Variants in POU2F1 observed in about 807,000 individuals in gnomAD.
POU2F1 encodes the protein POU class 2 homeobox 1, also known as POU domain, class 2, transcription factor 1.
POU2F1 carries 16 observed loss-of-function variants against 84.9 expected under a neutral mutation model. The observed-to-expected ratio is 0.19, with a 90% CI of 0.13 to 0.29. The LOEUF (loss-of-function observed/expected upper bound fraction) is 0.29, where lower values mean the gene tolerates loss of function less well. Among genes scored for constraint, POU2F1 ranks in the 10% least tolerant of loss-of-function variants. POU2F1 has a pLI of 1.00. For synonymous variants in POU2F1, 368 were observed against 368.3 expected (o/e 1.00, Z 0.01); for missense variants, 738 against 942.6 (o/e 0.78, Z 2.84).
intron 7 of POU2F1, among the ~76,000 whole-genome samples, chr1:167,376,770 T>G (rs1660358013): frequency 6.6e-6 from 1 of 152,206 alleles, no homozygotes; most frequent in Non-Finnish European, 1.5e-5. Context: ...TCTGAGTGGG[T>G]TTTTTTGCCT....
At chr1:167,322,307 A>C (rs1656368572) in intron 1 of POU2F1, among the ~76,000 whole-genome samples, 1 of 152,204 alleles carries the variant, frequency 6.6e-6, no homozygotes, top group African/African-American at 2.4e-5. Context: ...TCTGCTTTCC[A>C]GGGAACAGAA....
intron 13 of POU2F1, among the ~76,000 whole-genome samples, chr1:167,406,218 A>G (rs1387923343): frequency 6.6e-6 from 1 of 152,260 alleles, no homozygotes; most frequent in Non-Finnish European, 1.5e-5. Context: ...ATGTATGGTT[A>G]GTACAATAAC....
At chr1:167,399,407 T>G (rs916816756) in intron 12 of POU2F1, 42 bp downstream of exon 12, 3 of 1,535,776 alleles carry the variant, frequency 2.0e-6, no homozygotes, top group Non-Finnish European at 1.8e-6. Flanking sequence ...AGGGCTAATT[T>G]TTGCAATTTT....
At chr1:167,330,581 A>G (rs952073155) in intron 1 of POU2F1, among the ~76,000 whole-genome samples, 13 of 152,202 alleles carry the variant, frequency 8.5e-5, no homozygotes, top group African/African-American at 3.1e-4. Flanking sequence ...AGTATTATTT[A>G]AACAGTCTTC....
intron 1 of POU2F1, among the ~76,000 whole-genome samples, chr1:167,291,505 CTAATT>C (rs1323329954): frequency 6.6e-6 from 1 of 152,042 alleles, no homozygotes; most frequent in African/African-American, 2.4e-5. Context: ...GGCCTGTAAC[CTAATT>C]TTTCACTTAG....
Position 167,383,951 on chromosome 1 carries a change from G to C in POU2F1, c.813G>C (p.Gln271His). 6.2e-7 allele frequency: 1 copy of C among 1,610,522 alleles called. No individual in the cohort carries two copies. Among genetic ancestry groups the C allele is most frequent in the Non-Finnish European group, 8.5e-7 (1 of 1,177,718 alleles). Residue 271 changes from glutamine to histidine, a missense_variant and splice_region_variant, in exon 8 of 16, where the codon CAG becomes CAC. Gln to His is a conservative substitution (Grantham distance 24). Around this residue, in one of 4 missense-constraint regions of POU2F1, gnomAD observed 163 missense variants for 214.4 expected, o/e 0.76. Transcript: ENST00000367866. The part of the protein sequence containing the change: ...QSQPSITLTS[Q>H]PATPTRTIAA... Reference sequence around the variant, plus strand: ...AGCCAAGCATCACCCTCACCTCCCAGGTCAGTTTTCTTCTATGGGGGCTGC... The same window carrying C: ...AGCCAAGCATCACCCTCACCTCCCACGTCAGTTTTCTTCTATGGGGGCTGC...
intron 13 of POU2F1, among the ~76,000 whole-genome samples, chr1:167,407,219 G>A (rs890152866): frequency 1.3e-5 from 2 of 151,782 alleles, no homozygotes; most frequent in South Asian, 2.1e-4. Flanking sequence ...TTGTAGAGAC[G>A]AGGTTTTGCC....
Position 167,374,305 on chromosome 1 carries a change from G to A in POU2F1, c.591+9G>A. The A allele has an allele frequency of 6.4e-7, 1 of 1,557,308 alleles. No individual in the cohort carries two copies. The highest frequency in any genetic ancestry group is 8.7e-7 in the Non-Finnish European group (1 of 1,152,494). ...CCATACAGATCGCACAGGTGAGTGA[G>A]GAACTCCAATAGCTGGGGCAGCAAG... On this transcript the variant is annotated intron_variant, in intron 6 of 15. Coordinates refer to ENST00000367866, the MANE Select transcript of POU2F1 (RefSeq NM_002697.4).
At chr1:167,290,725 C>A (rs145255907) in intron 1 of POU2F1, among the ~76,000 whole-genome samples, 1 of 152,114 alleles carries the variant, frequency 6.6e-6, no homozygotes, top group Admixed American at 6.5e-5. Context: ...TTTAAAAGAT[C>A]GGCAAAACAT....
At chr1:167,231,140 A>C (rs922069284) in intron 1 of POU2F1, among the ~76,000 whole-genome samples, 2 of 152,234 alleles carry the variant, frequency 1.3e-5, no homozygotes, top group Non-Finnish European at 2.9e-5. Flanking sequence ...TAACGATAAT[A>C]GCTTTCTGAT....
chr1:167,290,511 A>G (rs922803784), intron 1 of POU2F1, among the ~76,000 whole-genome samples: 3 of 152,260 alleles, frequency 2.0e-5, no homozygotes. Context: ...CTCAAATTAC[A>G]GATTCTATAT....
chr1:167,250,540 T>G (rs533123560), intron 1 of POU2F1, among the ~76,000 whole-genome samples: 2 of 152,326 alleles, frequency 1.3e-5, no homozygotes, highest in South Asian at 2.1e-4. Flanking sequence ...TTTGAGAGAA[T>G]TCATTTGTTG....
intron 2 of POU2F1, among the ~76,000 whole-genome samples, chr1:167,352,990 A>G (rs1487987098): frequency 6.6e-6 from 1 of 152,216 alleles, no homozygotes; most frequent in African/African-American, 2.4e-5. Flanking sequence ...AAGCTGAGTA[A>G]TATGAACTGT....
At chr1:167,311,750 C>G (rs1655486994) in intron 1 of POU2F1, among the ~76,000 whole-genome samples, 1 of 150,834 alleles carries the variant, frequency 6.6e-6, no homozygotes, top group African/African-American at 2.4e-5. Context: ...TTTTAAGCTA[C>G]TATGGGTTAT....
intron 1 of POU2F1, among the ~76,000 whole-genome samples, chr1:167,309,036 T>C (rs1655278425): frequency 6.6e-6 from 1 of 152,104 alleles, no homozygotes; most frequent in Non-Finnish European, 1.5e-5. Flanking sequence ...CTAATGGGAA[T>C]GCCTTCAAAC....
chr1:167,402,201 G>C lies in POU2F1; in HGVS notation c.1555+645G>C, dbSNP rs568875183. Among the ~76,000 whole-genome samples, 5 of 152,214 alleles carry C rather than the reference G, an allele frequency of 3.3e-5. No homozygotes were observed. The South Asian group carries it at 1.0e-3, about 32-fold the overall frequency. On this transcript the variant is annotated intron_variant, in intron 13 of 15. Transcript: ENST00000367866. ...TTAAAATCACTTAGCATTGTCATCA[G>C]ATGTTTTTTAGTGATACATAGTGCA...
chr1:167,399,512 C>A, intron 12 of POU2F1, 147 bp downstream of exon 12: 1 of 748,706 alleles, frequency 1.3e-6, no homozygotes, highest in Non-Finnish European at 2.1e-6. Flanking sequence ...TAGACATTAC[C>A]AAGGTAATGA....
At chr1:167,322,631 G>C (rs1443885445) in intron 1 of POU2F1, among the ~76,000 whole-genome samples, 1 of 152,206 alleles carries the variant, frequency 6.6e-6, no homozygotes, top group Non-Finnish European at 1.5e-5. Flanking sequence ...GGTCGGTCAT[G>C]GAGACCCTAA....
rs748858545 is a variant in POU2F1, at chr1:167,365,523, A to G, written c.184A>G (p.Ile62Val). The G allele has an allele frequency of 3.7e-6, 6 of 1,603,328 alleles. No homozygotes were observed. The East Asian group carries it at 6.8e-5, about 18-fold the overall frequency. ...QKQPVPVGGA[I>V]STAQAQAFLG... Reference sequence around the variant, plus strand: ...GCAGCCTGTGCCTGTAGGAGGAGCAATCTCAACAGCCCAGGCGCAGGCTTT... The same window carrying G: ...GCAGCCTGTGCCTGTAGGAGGAGCAGTCTCAACAGCCCAGGCGCAGGCTTT... The change falls in exon 3 of 16, where the codon ATC becomes GTC. Residue 62 changes from isoleucine (I) to valine (V), a missense_variant. Around this residue, in one of 4 missense-constraint regions of POU2F1, gnomAD observed 161 missense variants for 147.0 expected, o/e 1.10. Coordinates refer to ENST00000367866, the MANE Select transcript of POU2F1 (RefSeq NM_002697.4).
Sources: allele counts gnomAD v4.1 joint callset (sites outside exome capture counted in the v4.1 genomes callset), GRCh38; gene constraint gnomAD v4.1.1; regional missense constraint gnomAD v4.1.1; transcripts MANE v1.5; gene names NCBI Gene and HGNC (gene_info 2026-07-23, HGNC 2026-07-21).